Variants in ADCY8 observed in about 807,000 individuals in gnomAD.
The protein encoded by ADCY8 is adenylate cyclase 8, also known as adenylate cyclase type 8.
A neutral mutation model predicts 119.7 loss-of-function variants in ADCY8; 51 were observed. That is an observed-to-expected ratio of 0.43 (90% CI 0.34 to 0.54). The LOEUF is 0.54. Among genes scored for constraint, ADCY8 ranks in the 20% least tolerant of loss-of-function variants. The pLI, the probability that ADCY8 is intolerant of heterozygous loss-of-function variation, is 0.03. For synonymous variants in ADCY8, 665 were observed against 651.0 expected, an observed-to-expected ratio of 1.02 and a Z score of -0.33; for missense variants, 1,383 against 1,598.8, an observed-to-expected ratio of 0.87 and a Z score of 2.30.
At chr8:131,038,631 C>A (rs943895653) in intron 1 of ADCY8, among the ~76,000 whole-genome samples, 2 of 152,112 alleles carry the variant, frequency 1.3e-5, no homozygotes, top group African/African-American at 4.8e-5. Context: ...AAGATTCCAC[C>A]TAAATATAAT....
At chr8:130,932,478 A>C (rs1024451610) in intron 5 of ADCY8, among the ~76,000 whole-genome samples, 2 of 152,136 alleles carry the variant, frequency 1.3e-5, no homozygotes, top group African/African-American at 4.8e-5. Flanking sequence ...TCCTATGCCC[A>C]CTTCCTTCTC....
chr8:130,862,873 T>G (rs1817987312), intron 9 of ADCY8, among the ~76,000 whole-genome samples: 1 of 152,228 alleles, frequency 6.6e-6, no homozygotes. Flanking sequence ...GTTATTTTTC[T>G]TCTTTTAAAT....
chr8:130,995,501 C>T (rs1822745552), intron 1 of ADCY8, among the ~76,000 whole-genome samples: 1 of 152,158 alleles, frequency 6.6e-6, no homozygotes, highest in African/African-American at 2.4e-5. Context: ...CCCATCATGA[C>T]AGTGAGGATC....
chr8:130,864,529 C>T (rs1034996334), intron 9 of ADCY8, among the ~76,000 whole-genome samples: 4 of 152,054 alleles, frequency 2.6e-5, no homozygotes, highest in Non-Finnish European at 4.4e-5. Context: ...TGCTTTGACC[C>T]GTGTCCCCTG....
intron 5 of ADCY8, among the ~76,000 whole-genome samples, chr8:130,921,885 A>T (rs1820320131): frequency 6.6e-6 from 1 of 152,168 alleles, no homozygotes; most frequent in East Asian, 1.9e-4. Flanking sequence ...AAAGTCTCCA[A>T]GTGGCAGTAT....
intron 4 of ADCY8, among the ~76,000 whole-genome samples, chr8:130,941,148 A>G (rs1820943287): frequency 6.6e-6 from 1 of 152,266 alleles, no homozygotes; most frequent in Non-Finnish European, 1.5e-5. Context: ...CGTAAGTAGT[A>G]CGTGAATATA....
chr8:130,809,337 G>A (rs777133813), intron 14 of ADCY8, among the ~76,000 whole-genome samples: 3 of 152,158 alleles, frequency 2.0e-5, no homozygotes, highest in Non-Finnish European at 4.4e-5. Flanking sequence ...TCTAGAAAAT[G>A]GGGATAATAG....
intron 2 of ADCY8, among the ~76,000 whole-genome samples, chr8:130,963,236 A>G (rs1219990677): frequency 6.6e-6 from 1 of 152,050 alleles, no homozygotes; most frequent in East Asian, 1.9e-4. Context: ...AAAAACAGAC[A>G]TGGTGTTCAC....
Position 130,903,107 on chromosome 8 carries a change from T to C in ADCY8, c.1911+665A>G, listed in dbSNP as rs1457905422. ...CTTGGAGTCTGAGCATCTCATTGGG[T>C]TTACTGTGATTTCAATATTTGAATA... On this transcript the variant is annotated intron_variant, in intron 7 of 17. Transcript: ENST00000286355. Among the ~76,000 whole-genome samples the C allele has an allele frequency of 3.3e-5, 5 of 152,170 alleles. No individual in the cohort carries two copies. In the East Asian group the frequency reaches 5.8e-4, roughly 18 times the overall value.
At chr8:130,799,995 G>C (rs1815720297) in intron 15 of ADCY8, among the ~76,000 whole-genome samples, 2 of 152,226 alleles carry the variant, frequency 1.3e-5, no homozygotes, top group Non-Finnish European at 2.9e-5. Context: ...GCTATCTGTA[G>C]TATGTTTGTA....
At chr8:130,946,486 G>A (rs1313154150) in intron 3 of ADCY8, among the ~76,000 whole-genome samples, 1 of 152,144 alleles carries the variant, frequency 6.6e-6, no homozygotes. Flanking sequence ...CCACTCAGGT[G>A]TTAAAATCAT....
intron 15 of ADCY8, among the ~76,000 whole-genome samples, chr8:130,794,038 G>A (rs2130084303): frequency 6.6e-6 from 1 of 152,286 alleles, no homozygotes; most frequent in East Asian, 1.9e-4. Flanking sequence ...AGAGGGCACA[G>A]AGACACACAC....
chr8:131,039,712 T>C lies in ADCY8; in HGVS notation c.622A>G (p.Met208Val), dbSNP rs76847181. Residue 208 changes from methionine to valine, a missense_variant, in exon 1 of 18, where the codon ATG becomes GTG. Around this residue, in one of 2 missense-constraint regions of ADCY8, gnomAD observed 455 missense variants for 435.3 expected, o/e 1.05. Transcript: ENST00000286355. ...AGCAGGATGCCCTTGAGCGGGTCCATGGGGGCCGAGGCCAGGCTCAAGTGT... is the reference window on the plus strand; with the variant it reads ...AGCAGGATGCCCTTGAGCGGGTCCACGGGGGCCGAGGCCAGGCTCAAGTGT... ...VLHLSLASAP[M>V]DPLKGILLGF... 1,815 of 1,614,054 alleles carry C rather than the reference T, an allele frequency of 1.1e-3. No homozygotes were observed. The highest frequency in any genetic ancestry group is 1.4e-3 in the Non-Finnish European group (1,694 of 1,179,998).
chr8:130,876,235 G>A (rs2117693), intron 8 of ADCY8, among the ~76,000 whole-genome samples: 1,638 of 152,098 alleles, frequency 0.011, 34 homozygotes, highest in African/African-American at 0.036. Flanking sequence ...ATTTTTAGTA[G>A]GGGCAGGGTT....
intron 9 of ADCY8, among the ~76,000 whole-genome samples, chr8:130,856,607 G>A (rs1213048302): frequency 2.6e-5 from 4 of 152,148 alleles, no homozygotes; most frequent in Middle Eastern, 6.8e-3. Context: ...ATTCTTTCCT[G>A]GTATTCTCTG....
At chr8:130,922,280 G>A (rs2130585756) in intron 5 of ADCY8, among the ~76,000 whole-genome samples, 1 of 150,116 alleles carries the variant, frequency 6.7e-6, no homozygotes, top group East Asian at 2.0e-4. Context: ...AGGGTCACAG[G>A]ACAATAGTGG....
intron 15 of ADCY8, among the ~76,000 whole-genome samples, chr8:130,790,175 C>T (rs1219699143): frequency 2.0e-5 from 3 of 152,250 alleles, no homozygotes; most frequent in South Asian, 4.1e-4. Context: ...TTGAACTTCT[C>T]TTCCAGATTT....
intron 12 of ADCY8, among the ~76,000 whole-genome samples, chr8:130,829,397 A>G (rs947914812): frequency 1.3e-5 from 2 of 151,816 alleles, no homozygotes; most frequent in African/African-American, 2.4e-5. Context: ...TTTGTTTTAG[A>G]TTGTGAACTG....
chr8:130,940,957 G>A (rs988592835), intron 4 of ADCY8, among the ~76,000 whole-genome samples: 4 of 152,266 alleles, frequency 2.6e-5, no homozygotes, highest in African/African-American at 9.6e-5. Context: ...TGTATACTTT[G>A]CATTGTGTAC....
Sources: gnomAD v4.1 joint callset for allele counts (sites outside exome capture counted in the v4.1 genomes callset) on GRCh38, gnomAD v4.1.1 for gene constraint, gnomAD v4.1.1 regional missense constraint, MANE v1.5 for transcripts, NCBI Gene and HGNC (gene_info 2026-07-23, HGNC 2026-07-21) for gene names.